XIRP2: variants seen among roughly 807,000 people sequenced by gnomAD.
XIRP2 encodes the protein xin actin binding repeat containing 2, also known as xin actin-binding repeat-containing protein 2.
Under a neutral mutation model 277.0 loss-of-function variants are expected in XIRP2, and 236 were observed. That is an observed-to-expected ratio of 0.85 (90% CI 0.77 to 0.95). The LOEUF (loss-of-function observed/expected upper bound fraction) is 0.95. XIRP2 is among the 40% of genes least tolerant of loss of function. The pLI, the probability that XIRP2 is intolerant of heterozygous loss-of-function variation, is 0.00. For missense variants in XIRP2, 4,640 were observed against 4,157.5 expected (o/e 1.12, Z -3.19); for synonymous variants, 1,490 against 1,416.5 (o/e 1.05, Z -1.17).
chr2:167,017,766 A>G (rs1005263981), intron 2 of XIRP2, among the ~76,000 whole-genome samples: 1 of 151,950 alleles, frequency 6.6e-6, no homozygotes, highest in African/African-American at 2.4e-5. Flanking sequence ...ATGCCATCTT[A>G]CTAGGAAAAG....
At chr2:167,255,850 T>A (rs565617405) in intron 10 of XIRP2, among the ~76,000 whole-genome samples, 72 of 152,028 alleles carry the variant, frequency 4.7e-4, no homozygotes, top group Non-Finnish European at 7.7e-4. Context: ...CTGATAACAA[T>A]TTGTCTGTGA....
Position 167,248,598 on chromosome 2 carries a change from G to C in XIRP2, c.7206G>C (p.Ser2402=). The change falls in exon 9 of 11, where the codon TCG becomes TCC. Residue 2402 remains serine (S), a synonymous_variant. Transcript: ENST00000409195. ...AACAATATTCCCAAAAAGAAGCCTC[G>C]AACTCTCAGAATTCTCAGGCTAAAA... is the stretch of plus-strand genomic sequence containing the variant. The part of the protein sequence containing the change: ...FMQQYSQKEA[S]NSQNSQAKII... 1 of 1,613,596 alleles carries C rather than the reference G, an allele frequency of 6.2e-7. No individual in the cohort carries two copies. The highest frequency in any genetic ancestry group is 8.5e-7 in the Non-Finnish European group (1 of 1,179,796).
intron 2 of XIRP2, among the ~76,000 whole-genome samples, chr2:166,910,709 T>G (rs1022240952): frequency 2.2e-4 from 34 of 152,304 alleles, no homozygotes; most frequent in African/African-American, 7.9e-4. Context: ...GATGTTAGGG[T>G]GTCAACTTTA....
intron 2 of XIRP2, among the ~76,000 whole-genome samples, chr2:166,933,932 C>A (rs139134896): frequency 0.014 from 2,151 of 151,144 alleles, 59 homozygotes; most frequent in African/African-American, 0.05. Context: ...AGATGTAAGC[C>A]CATTTGTTAA....
At chr2:167,163,881 G>A (rs773941512) in intron 3 of XIRP2, among the ~76,000 whole-genome samples, 1 of 152,118 alleles carries the variant, frequency 6.6e-6, no homozygotes, top group Non-Finnish European at 1.5e-5. Context: ...ATGACCACTT[G>A]TTCCAGTACC....
intron 2 of XIRP2, among the ~76,000 whole-genome samples, chr2:167,057,897 C>T (rs190946296): frequency 1.4e-3 from 209 of 151,782 alleles, no homozygotes; most frequent in Admixed American, 2.8e-3. Flanking sequence ...ACACTTCAGA[C>T]GGAAGTAAAA....
In XIRP2 at chr2:167,250,990, C is replaced by G; in HGVS notation, c.9598C>G (p.Pro3200Ala). Residue 3200 changes from proline to alanine, a missense_variant, in exon 9 of 11, where the codon CCA (proline) becomes GCA (alanine). By Grantham distance (27) the Pro-to-Ala change is conservative. Coordinates refer to ENST00000409195, the MANE Select transcript of XIRP2 (RefSeq NM_152381.6). ...GTTATCCAAAGGGGCCATCCCATGT[C>G]CAGCAGCAACCCCGGTTCCAATTGT... ...AKLSKGAIPCPAATPVPIVEK... is the reference protein window; with the variant it reads ...AKLSKGAIPCAAATPVPIVEK... 3 of 1,613,688 alleles carry G rather than the reference C, an allele frequency of 1.9e-6. No homozygotes were observed. The highest frequency in any genetic ancestry group is 2.5e-6 in the Non-Finnish European group (3 of 1,179,764).
At position 167,069,285 on chromosome 2, in the gene XIRP2, G is replaced by C. The variant is rs577884039; in HGVS notation, c.409-66624G>C. On this transcript the variant is annotated intron_variant, in intron 2 of 10. Coordinates refer to ENST00000409195, the MANE Select transcript of XIRP2 (RefSeq NM_152381.6). ...TTTTTCTGAATATTTTTGATCTGCAGATGGTTGAATTCACTAATGCAGAAC... is the reference window on the plus strand; with the variant it reads ...TTTTTCTGAATATTTTTGATCTGCACATGGTTGAATTCACTAATGCAGAAC... Among the ~76,000 whole-genome samples, 4 of 152,252 alleles carry C rather than the reference G, an allele frequency of 2.6e-5. No homozygotes were observed. In the East Asian group the frequency reaches 7.8e-4, roughly 30 times the overall value.
At chr2:167,225,477 T>C (rs928248609) in intron 5 of XIRP2, among the ~76,000 whole-genome samples, 4 of 152,164 alleles carry the variant, frequency 2.6e-5, no homozygotes, top group Non-Finnish European at 5.9e-5. Flanking sequence ...TATATTTCTA[T>C]AACGGTCTTA....
At chr2:167,103,885 C>T (rs984225353) in intron 2 of XIRP2, among the ~76,000 whole-genome samples, 1 of 152,120 alleles carries the variant, frequency 6.6e-6, no homozygotes, top group African/African-American at 2.4e-5. Context: ...TCACTAGACT[C>T]TATTAAGTTA....
chr2:167,117,653 G>C (rs182644534), intron 2 of XIRP2, among the ~76,000 whole-genome samples: 111 of 152,320 alleles, frequency 7.3e-4, no homozygotes, highest in Admixed American at 7.2e-3. Context: ...CAGCTGAGCT[G>C]ATTCTACTGT....
intron 2 of XIRP2, among the ~76,000 whole-genome samples, chr2:167,078,115 G>A (rs189980077): frequency 1.5e-3 from 221 of 152,284 alleles, no homozygotes; most frequent in South Asian, 4.6e-3. Flanking sequence ...CATGAGCATG[G>A]AATGTTTATT....
At chr2:167,187,676 A>G in intron 3 of XIRP2, 2 of 475,858 alleles carry the variant, frequency 4.2e-6, no homozygotes, top group South Asian at 9.0e-5. Context: ...TTCTATGATA[A>G]TATTTAGCAT....
At chr2:166,947,105 T>C (rs1327271896) in intron 2 of XIRP2, among the ~76,000 whole-genome samples, 3 of 152,174 alleles carry the variant, frequency 2.0e-5, no homozygotes, top group Non-Finnish European at 2.9e-5. Flanking sequence ...AACATAGATA[T>C]AAATAAAAGT....
chr2:167,086,448 T>C (rs1689946521), intron 2 of XIRP2, among the ~76,000 whole-genome samples: 1 of 152,012 alleles, frequency 6.6e-6, no homozygotes, highest in Non-Finnish European at 1.5e-5. Flanking sequence ...AAGGAGTATC[T>C]TTGTGGCGTT....
chr2:167,243,713 T>C lies in XIRP2; in HGVS notation c.2321T>C (p.Phe774Ser), dbSNP rs770640413. ...GATGTAAGAACAGCACGGTGGATGTTTGAAACACAGCCGTTGGACACAATT... is the reference window on the plus strand; with the variant it reads ...GATGTAAGAACAGCACGGTGGATGTCTGAAACACAGCCGTTGGACACAATT... ...KGDVRTARWM[F>S]ETQPLDTINK... The change falls in exon 9 of 11, where the codon TTT (phenylalanine) becomes TCT (serine). Residue 774 changes from phenylalanine (F) to serine (S), a missense_variant. Physicochemically the swap from Phe to Ser is radical, Grantham distance 155. Transcript: ENST00000409195. 7 of 1,613,894 alleles carry C rather than the reference T, an allele frequency of 4.3e-6. No individual in the cohort carries two copies. The Admixed American group carries it at 1.2e-4, about 27-fold the overall frequency.
chr2:167,069,059 G>A (rs1393469943), intron 2 of XIRP2, among the ~76,000 whole-genome samples: 2 of 152,008 alleles, frequency 1.3e-5, no homozygotes, highest in African/African-American at 4.8e-5. Flanking sequence ...ATGTTCGTGG[G>A]TGCTCAAGTC....
intron 2 of XIRP2, among the ~76,000 whole-genome samples, chr2:166,979,783 TG>T (rs2105431808): frequency 6.6e-6 from 1 of 152,294 alleles, no homozygotes; most frequent in South Asian, 2.1e-4. Context: ...TAATTTCGAT[TG>T]CCAATATTGT....
At chr2:166,983,404 G>T (rs1686924668) in intron 2 of XIRP2, among the ~76,000 whole-genome samples, 1 of 152,010 alleles carries the variant, frequency 6.6e-6, no homozygotes, top group South Asian at 2.1e-4. Flanking sequence ...TTTAATAGTT[G>T]CTTTAGATTT....
Sources: gnomAD v4.1 joint callset for allele counts (sites outside exome capture counted in the v4.1 genomes callset) on GRCh38, gnomAD v4.1.1 for gene constraint, MANE v1.5 for transcripts, NCBI Gene and HGNC (gene_info 2026-07-23, HGNC 2026-07-21) for gene names.